The following ZNF610 variants were observed in gnomAD, a reference collection of about 807,000 sequenced individuals.
ZNF610 encodes zink finger protein.
Under a neutral mutation model 14.1 loss-of-function variants are expected in ZNF610, and 14 were observed. That is an observed-to-expected ratio of 0.99 (90% CI 0.65 to 1.55). ZNF610 has a LOEUF of 1.55. ZNF610 is among the 40% of genes most tolerant of loss of function. ZNF610 has a pLI of 0.00. For missense variants in ZNF610, 530 were observed against 558.0 expected, an observed-to-expected ratio of 0.95 and a Z score of 0.51; for synonymous variants, 185 against 187.6, an observed-to-expected ratio of 0.99 and a Z score of 0.11.
At chr19:52,342,558 C>T (rs1984735865) in intron 1 of ZNF610, among the ~76,000 whole-genome samples, 2 of 144,602 alleles carry the variant, frequency 1.4e-5, no homozygotes. Flanking sequence ...CTTACTCTGT[C>T]ACCCGGGCTG....
rs77529796 is a variant in ZNF610 at position 52,351,639 on chromosome 19, A to C, written c.64-2043A>C. 2.8e-3 allele frequency among the ~76,000 whole-genome samples: 426 copies of C among 152,216 alleles called. 6 individuals carry two copies. In the East Asian group the frequency reaches 0.059, roughly 21 times the overall value. On this transcript the variant is annotated intron_variant, in intron 3 of 5. Coordinates refer to ENST00000403906, the MANE Select transcript of ZNF610 (RefSeq NM_001161425.2). ...TGAAGAGGGTGGCCAGGTTCTGCTCAGGAGCTTCCCTTTCTGCACCTGCTC... is the reference window on the plus strand; with the variant it reads ...TGAAGAGGGTGGCCAGGTTCTGCTCCGGAGCTTCCCTTTCTGCACCTGCTC...
intron 1 of ZNF610, among the ~76,000 whole-genome samples, chr19:52,338,483 A>G: frequency 6.6e-6 from 1 of 152,162 alleles, no homozygotes; most frequent in Non-Finnish European, 1.5e-5. Flanking sequence ...TCAGGAGTTC[A>G]AGACCAGCGT....
chr19:52,349,340 C>A (rs1985131213), intron 3 of ZNF610, 105 bp downstream of exon 3: 1 of 1,373,454 alleles, frequency 7.3e-7, no homozygotes. Context: ...TTCCCTCAGT[C>A]CCTTTCATCT....
At chr19:52,346,858 T>C (rs1350730808) in intron 1 of ZNF610, among the ~76,000 whole-genome samples, 1 of 152,002 alleles carries the variant, frequency 6.6e-6, no homozygotes. Context: ...GCCTCCTGAG[T>C]AGCTGGGACT....
chr19:52,335,597 C>T (rs947602359), upstream of ZNF610, among the ~76,000 whole-genome samples: 8 of 152,136 alleles, frequency 5.3e-5, no homozygotes, highest in African/African-American at 1.9e-4. Flanking sequence ...GCTGCCAGCA[C>T]AGTCAGAATA....
intron 1 of ZNF610, among the ~76,000 whole-genome samples, chr19:52,347,482 A>C (rs893241937): frequency 1.3e-5 from 2 of 152,192 alleles, no homozygotes; most frequent in Non-Finnish European, 2.9e-5. Context: ...TGAGAAAAAA[A>C]TATTTTTTAT....
chr19:52,337,153 G>A (rs571279879), intron 1 of ZNF610, among the ~76,000 whole-genome samples: 1 of 152,232 alleles, frequency 6.6e-6, no homozygotes, highest in South Asian at 2.1e-4. Flanking sequence ...TTGGGAGAGG[G>A]GCAGAAAGGG....
chr19:52,360,911 T>C (rs2434418), intron 5 of ZNF610, among the ~76,000 whole-genome samples: 27,689 of 152,182 alleles, frequency 0.18, 2,860 homozygotes, highest in East Asian at 0.32. Flanking sequence ...ACACTAGCCT[T>C]ATTGAATGAG....
intron 3 of ZNF610, among the ~76,000 whole-genome samples, chr19:52,350,355 G>A (rs994342882): frequency 6.6e-6 from 1 of 152,180 alleles, no homozygotes; most frequent in Non-Finnish European, 1.5e-5. Context: ...TCTGTGTCAA[G>A]AGTGAGAGCA....
Position 52,349,255 on chromosome 19 carries a change from G to A in ZNF610, c.63+20G>A, listed in dbSNP as rs1361110054. 1.2e-6 allele frequency: 2 copies of A among 1,611,144 alleles called. No individual in the cohort carries two copies. Among genetic ancestry groups the A allele is most frequent in the South Asian group, 2.2e-5 (2 of 90,994 alleles). On this transcript the variant is annotated intron_variant, in intron 3 of 5. Transcript: ENST00000403906. ...CCTCAGGTAAAGTGATATTCTCGGT[G>A]GTTGGTTCTCTCTGTTTCTTTCTGA...
At chr19:52,361,828 T>G (rs1023989471) in intron 5 of ZNF610, among the ~76,000 whole-genome samples, 1 of 152,178 alleles carries the variant, frequency 6.6e-6, no homozygotes, top group Non-Finnish European at 1.5e-5. Flanking sequence ...TCTTCTGTTT[T>G]CTAATCTTAA....
intron 1 of ZNF610, among the ~76,000 whole-genome samples, chr19:52,338,321 C>A (rs541816998): frequency 6.6e-6 from 1 of 152,316 alleles, no homozygotes; most frequent in East Asian, 1.9e-4. Context: ...CCATTTGTTA[C>A]AAACCATATT....
chr19:52,340,538 T>C (rs1984637561), intron 1 of ZNF610, among the ~76,000 whole-genome samples: 1 of 152,112 alleles, frequency 6.6e-6, no homozygotes, highest in Non-Finnish European at 1.5e-5. Context: ...TACTCAATAG[T>C]GATGGAATGA....
chr19:52,349,116 T>G (rs1308776151), intron 2 of ZNF610, 38 bp from the exon 3 acceptor site: 2 of 1,501,670 alleles, frequency 1.3e-6, no homozygotes. Flanking sequence ...GGGAATGTGT[T>G]GATTCCGAGC....
chr19:52,333,337 G>A (rs1443677926), upstream of ZNF610, among the ~76,000 whole-genome samples: 1 of 152,210 alleles, frequency 6.6e-6, no homozygotes, highest in Admixed American at 6.5e-5. Flanking sequence ...AGCCGACAAG[G>A]CCTGCCCAGG....
chr19:52,342,738 G>A (rs542055868), intron 1 of ZNF610, among the ~76,000 whole-genome samples: 5 of 152,074 alleles, frequency 3.3e-5, no homozygotes, highest in Admixed American at 3.3e-4. Flanking sequence ...TGTTGGTCAG[G>A]CTGGTCTTGA....
At chr19:52,357,898 C>G (rs1226500896) in intron 5 of ZNF610, among the ~76,000 whole-genome samples, 1 of 152,122 alleles carries the variant, frequency 6.6e-6, no homozygotes, top group Admixed American at 6.5e-5. Context: ...ACAGGAGCTT[C>G]TGTGTCCTGG....
chr19:52,363,576 A>G (rs74826705), intron 5 of ZNF610, among the ~76,000 whole-genome samples: 306 of 152,202 alleles, frequency 2.0e-3, no homozygotes, highest in Non-Finnish European at 3.5e-3. Context: ...TATAGTTGTT[A>G]TATCTTCTTG....
chr19:52,355,057 A>G (rs1228442369), intron 5 of ZNF610, among the ~76,000 whole-genome samples: 1 of 152,220 alleles, frequency 6.6e-6, no homozygotes, highest in Non-Finnish European at 1.5e-5. Flanking sequence ...GTTGCCACCC[A>G]GAGACAAAAG....
Sources: allele counts gnomAD v4.1 joint callset (sites outside exome capture counted in the v4.1 genomes callset), GRCh38; gene constraint gnomAD v4.1.1; transcripts MANE v1.5; gene names NCBI Gene and HGNC (gene_info 2026-07-23, HGNC 2026-07-21).